The following DNAH17 variants were observed in gnomAD, a reference collection of about 807,000 sequenced individuals.
DNAH17 encodes axonemal beta dynein heavy chain 17.
In DNAH17, 376 loss-of-function variants were observed where a neutral mutation model predicts 485.6. The observed-to-expected ratio is 0.77, with a 90% CI of 0.71 to 0.84. DNAH17 has a LOEUF of 0.84. Among genes scored for constraint, DNAH17 ranks in the 40% least tolerant of loss-of-function variants. The pLI is 0.00. For synonymous variants in DNAH17, 3,031 were observed against 2,405.9 expected, an observed-to-expected ratio of 1.26 and a Z score of -7.60; for missense variants, 6,370 against 5,839.3, an observed-to-expected ratio of 1.09 and a Z score of -2.96.
intron 68 of DNAH17, 176 bp downstream of exon 68, chr17:78,450,078 A>G: frequency 1.5e-6 from 1 of 685,860 alleles, no homozygotes; most frequent in South Asian, 1.9e-5. Context: ...TGGGTGTAGG[A>G]CTGATGGGGG....
In DNAH17 at chr17:78,500,983, G is replaced by T. The variant is rs935399969; in HGVS notation, c.5483+201C>A. On this transcript the variant is annotated intron_variant, in intron 35 of 80. Transcript: ENST00000389840. ...CCCAACTCAGCAGGCCCACAGAGGG[G>T]TGCAGGAACTCTCCCAAGGCCACAC... 3 of 519,804 alleles carry T rather than the reference G, an allele frequency of 5.8e-6. No individual in the cohort carries two copies. The East Asian group carries it at 1.0e-4, about 17-fold the overall frequency. 32.2% of individuals were successfully genotyped at this position (519,804 alleles called of 1,614,324 possible). A position where few individuals can be genotyped will look rare whatever the true frequency, so the allele number is the denominator to read the frequency against.
Position 78,429,104 on chromosome 17 carries a change from T to C in DNAH17, c.12405+17A>G. ...GCCTTCATTACGTTGAGCTCCTGTTTAACTTGTCATCCTTACCTTGTAGTC... is the reference window on the plus strand; with the variant it reads ...GCCTTCATTACGTTGAGCTCCTGTTCAACTTGTCATCCTTACCTTGTAGTC... On this transcript the variant is annotated intron_variant, in intron 76 of 80. Coordinates refer to ENST00000389840, the MANE Select transcript of DNAH17 (RefSeq NM_173628.4). The C allele has an allele frequency of 6.2e-7, 1 of 1,608,014 alleles. No individual in the cohort carries two copies. Among genetic ancestry groups the C allele is most frequent in the Non-Finnish European group, 8.5e-7 (1 of 1,175,404 alleles).
rs1190408378 is a variant in DNAH17 at position 78,529,005 on chromosome 17, G to A, written c.3507+467C>T. On this transcript the variant is annotated intron_variant, in intron 22 of 80. Coordinates refer to ENST00000389840, the MANE Select transcript of DNAH17 (RefSeq NM_173628.4). ...GTCGCCCAGGCTGGAGTGCAGTGGT[G>A]CGATCTCAGCTCACTGCAACATCTG... Among the ~76,000 whole-genome samples the A allele has an allele frequency of 2.7e-5, 4 of 150,734 alleles. No homozygotes were observed. The South Asian group carries it at 6.3e-4, about 24-fold the overall frequency.
At position 78,552,721 on chromosome 17, in the gene DNAH17, T is replaced by A. The variant is rs2091931168; in HGVS notation, c.2263A>T (p.Thr755Ser). The A allele has an allele frequency of 6.2e-7, 1 of 1,613,784 alleles. No individual in the cohort carries two copies. Among genetic ancestry groups the A allele is most frequent in the Admixed American group, 1.7e-5 (1 of 60,004 alleles). Residue 755 changes from threonine to serine, a missense_variant, in exon 15 of 81, where the codon ACG (threonine) becomes TCG (serine). By Grantham distance (58) the Thr-to-Ser change is moderately conservative. Coordinates refer to ENST00000389840, the MANE Select transcript of DNAH17 (RefSeq NM_173628.4). ...CCTTCGCCATTCCAGAATAATGTCG[T>A]TTCAGCGCTCAATAACTTGACATCA... is the stretch of plus-strand genomic sequence containing the variant. ...AIDVKLLSAE[T>S]TLFWNGEGVF...
intron 31 of DNAH17, 100 bp from the exon 32 acceptor site, chr17:78,503,111 A>G: frequency 7.2e-7 from 1 of 1,393,120 alleles, no homozygotes; most frequent in Non-Finnish European, 9.4e-7. Flanking sequence ...ATTTCTCATC[A>G]TCCTCATCCC....
intron 17 of DNAH17, among the ~76,000 whole-genome samples, chr17:78,542,123 C>G (rs112244951): frequency 4.0e-5 from 6 of 150,234 alleles, no homozygotes; most frequent in African/African-American, 4.9e-5. Context: ...AACCGCCCCC[C>G]CCAAAAACTG....
rs764783998 is a variant in DNAH17 at position 78,437,670 on chromosome 17, A to G, written c.12004T>C (p.Leu4002=). 8.7e-6 allele frequency: 14 copies of G among 1,610,756 alleles called. No individual in the cohort carries two copies. The South Asian group carries it at 1.5e-4, about 18-fold the overall frequency. The change falls in exon 74 of 81, where the codon TTG becomes CTG. Residue 4002 remains leucine (L), a synonymous_variant. Transcript: ENST00000389840. ...GTGAACAGGTCCAGGGCCTTGTGCA[A>G]GTTGGCGTGCATGCCCGTGGGGGGC... The part of the protein sequence containing the change: ...NEPPTGMHAN[L]HKALDLFTQD...
intron 64 of DNAH17, 65 bp downstream of exon 64, chr17:78,454,405 G>T: frequency 7.5e-7 from 1 of 1,326,900 alleles, no homozygotes. Flanking sequence ...GAACCAATAT[G>T]GAATGCCTAA....
In DNAH17 at chr17:78,490,732, A is replaced by T. The variant is rs1392480322; in HGVS notation, c.6785T>A (p.Leu2262His). ...TPATVSRAGI[L>H]YINPADLGWN... Reference sequence around the variant, plus strand: ...TCCCAGGTCGGCTGGGTTGATGTAGAGGATGCCGGCTCTGGAAACGGTGGC... The same window carrying T: ...TCCCAGGTCGGCTGGGTTGATGTAGTGGATGCCGGCTCTGGAAACGGTGGC... The change falls in exon 44 of 81, where the codon CTC becomes CAC. Residue 2262 changes from leucine to histidine, a missense_variant. Coordinates refer to ENST00000389840, the MANE Select transcript of DNAH17 (RefSeq NM_173628.4). The T allele has an allele frequency of 6.2e-7, 1 of 1,608,048 alleles. No individual in the cohort carries two copies. Among genetic ancestry groups the T allele is most frequent in the Non-Finnish European group, 8.5e-7 (1 of 1,177,290 alleles).
chr17:78,481,096 C>A, intron 48 of DNAH17, among the ~76,000 whole-genome samples: 1 of 144,686 alleles, frequency 6.9e-6, no homozygotes. Context: ...CGCCCGCCCC[C>A]CATCCCCCGG....
chr17:78,570,367 G>T lies in DNAH17; in HGVS notation c.924C>A (p.Pro308=), dbSNP rs1397906513. 3 of 1,609,948 alleles carry T rather than the reference G, an allele frequency of 1.9e-6. No individual in the cohort carries two copies. Among genetic ancestry groups the T allele is most frequent in the Admixed American group, 3.4e-5 (2 of 59,588 alleles). ...TGTCCAGCACCTTGGCAATGAAGGT[G>T]GGGAGCTGGGGGGAGACAGGCCCAG... The part of the protein sequence containing the change: ...EMEQADFTML[P]TFIAKVLDTI... Residue 308 remains proline, a synonymous_variant, in exon 7 of 81, where the codon CCC becomes CCA. Coordinates refer to ENST00000389840, the MANE Select transcript of DNAH17 (RefSeq NM_173628.4).
chr17:78,454,715 G>A lies in DNAH17; in HGVS notation c.10171-10C>T. 6.2e-7 allele frequency: 1 copy of A among 1,607,586 alleles called. No individual in the cohort carries two copies. The highest frequency in any genetic ancestry group is 8.5e-7 in the Non-Finnish European group (1 of 1,177,338). ...TGATCGGGATGGGGACCTGCCCAGGGAGGCACACTTTCTTAGAGGGGGTAA... is the reference window on the plus strand; with the variant it reads ...TGATCGGGATGGGGACCTGCCCAGGAAGGCACACTTTCTTAGAGGGGGTAA... On this transcript the variant is annotated splice_polypyrimidine_tract_variant and intron_variant, in intron 63 of 80. Coordinates refer to ENST00000389840, the MANE Select transcript of DNAH17 (RefSeq NM_173628.4).
chr17:78,491,244 G>A (rs1180208807), intron 43 of DNAH17, among the ~76,000 whole-genome samples, 199 bp downstream of exon 43: 2 of 152,224 alleles, frequency 1.3e-5, no homozygotes, highest in African/African-American at 4.8e-5. Context: ...GTAAGGTGAG[G>A]CGCATGCAAA....
intron 41 of DNAH17, 194 bp from the exon 42 acceptor site, chr17:78,492,959 T>TCTTGC (rs1221854667): frequency 1.9e-6 from 1 of 513,964 alleles, no homozygotes; most frequent in East Asian, 4.2e-5. Flanking sequence ...CAAGTGATTC[T>TCTTGC]CTTGCCTTAG....
At chr17:78,488,770 CTG>C (rs1185323581) in intron 44 of DNAH17, among the ~76,000 whole-genome samples, 1 of 152,186 alleles carries the variant, frequency 6.6e-6, no homozygotes, top group Non-Finnish European at 1.5e-5. Context: ...AATCCAATGA[CTG>C]TGTCCTTATA....
chr17:78,448,101 G>A (rs1481970549), intron 69 of DNAH17, among the ~76,000 whole-genome samples: 1 of 151,960 alleles, frequency 6.6e-6, no homozygotes, highest in East Asian at 1.9e-4. Context: ...GAACCCGGGA[G>A]GTGGAGGTTG....
chr17:78,484,324 A>G (rs137926607), intron 48 of DNAH17, among the ~76,000 whole-genome samples: 1,672 of 151,890 alleles, frequency 0.011, 12 homozygotes, highest in Middle Eastern at 0.021. Flanking sequence ...CACGTGTGGC[A>G]GGGCATTTAC....
At chr17:78,454,828 G>A (rs1357282717) in intron 63 of DNAH17, 123 bp from the exon 64 acceptor site, 1 of 778,948 alleles carries the variant, frequency 1.3e-6, no homozygotes, top group East Asian at 2.7e-5. Context: ...GGACGACCTG[G>A]GAGAAGCCAG....
chr17:78,570,994 G>T lies in DNAH17; in HGVS notation c.872C>A (p.Pro291His). The change falls in exon 6 of 81, where the codon CCC becomes CAC. Residue 291 changes from proline (P) to histidine (H), a missense_variant. Transcript: ENST00000389840. The stretch of plus-strand genomic sequence containing the variant: ...CATCTCCTCCAGCAGGATCCGTAGG[G>T]GCTTCAAATAGAGCACGATGTCGTT... ...EANDIVLYLK[P>H]LRILLEEMEQ... 6.3e-7 allele frequency: 1 copy of T among 1,583,624 alleles called. No individual in the cohort carries two copies. The highest frequency in any genetic ancestry group is 1.2e-5 in the South Asian group (1 of 86,440).
Sources: allele counts gnomAD v4.1 joint callset (sites outside exome capture counted in the v4.1 genomes callset), GRCh38; gene constraint gnomAD v4.1.1; transcripts MANE v1.5; gene names NCBI Gene and HGNC (gene_info 2026-07-23, HGNC 2026-07-21).